POLK: variants seen among roughly 807,000 people sequenced by gnomAD.
POLK encodes polymerase (DNA directed) kappa.
POLK carries 76 observed loss-of-function variants against 94.0 expected under a neutral mutation model. The observed-to-expected ratio is 0.81, with a 90% confidence interval of 0.67 to 0.98. The LOEUF is 0.98. POLK is among the 50% of genes least tolerant of loss of function. The pLI is 0.00. For synonymous variants in POLK, 349 were observed against 325.4 expected (o/e 1.07, Z -0.78); for missense variants, 954 against 1,010.1 (o/e 0.94, Z 0.75).
intron 1 of POLK, among the ~76,000 whole-genome samples, chr5:75,516,143 G>T (rs1768311531): frequency 6.6e-6 from 1 of 152,182 alleles, no homozygotes; most frequent in South Asian, 2.1e-4. Flanking sequence ...CAGATGGATA[G>T]TTTGCAGACA....
chr5:75,581,253 T>C (rs1467974752), exon 7 of POLK: 1 of 1,606,654 alleles, frequency 6.2e-7, no homozygotes, highest in Admixed American at 1.7e-5. Context: ...GCATGAACGA[T>C]CCATCTCTCC....
At chr5:75,568,466 A>G (rs1390392015) in intron 3 of POLK, among the ~76,000 whole-genome samples, 3 of 152,182 alleles carry the variant, frequency 2.0e-5, no homozygotes, top group African/African-American at 7.2e-5. Context: ...AGAAATGAGT[A>G]TGTCTGCTGC....
chr5:75,569,266 A>C (rs866995491), intron 3 of POLK, 74 bp from the exon 4 acceptor site: 1 of 974,768 alleles, frequency 1.0e-6, no homozygotes, highest in South Asian at 1.6e-5. Context: ...TAATAAATTA[A>C]GATTAATGTT....
chr5:75,543,847 T>G (rs1453105706), intron 1 of POLK, among the ~76,000 whole-genome samples: 1 of 152,170 alleles, frequency 6.6e-6, no homozygotes, highest in Non-Finnish European at 1.5e-5. Context: ...TGGTTTGGTT[T>G]TTTTGAGACA....
intron 2 of POLK, among the ~76,000 whole-genome samples, chr5:75,551,838 C>G (rs1770351346): frequency 1.3e-5 from 2 of 152,074 alleles, no homozygotes; most frequent in Admixed American, 1.3e-4. Context: ...ATAGAGGTAC[C>G]ATATGTCAAA....
At chr5:75,580,177 C>A (rs1772124177) in intron 6 of POLK, among the ~76,000 whole-genome samples, 2 of 151,830 alleles carry the variant, frequency 1.3e-5, no homozygotes, top group Non-Finnish European at 2.9e-5. Context: ...ATACATTTTT[C>A]AAGTAATATA....
intron 6 of POLK, among the ~76,000 whole-genome samples, chr5:75,579,216 ACT>A (rs1772071682): frequency 6.6e-6 from 1 of 151,130 alleles, no homozygotes. Context: ...GGCATAAAAA[ACT>A]CTGCAGAACG....
chr5:75,601,470 G>A (rs1773294633), downstream of POLK, among the ~76,000 whole-genome samples: 1 of 152,198 alleles, frequency 6.6e-6, no homozygotes, highest in African/African-American at 2.4e-5. Flanking sequence ...TATTGCCAAA[G>A]AAGATTAACA....
chr5:75,512,519 TTTCTCGTATTAGAA>T (rs1768093537), intron 1 of POLK: 1 of 152,216 alleles, frequency 6.6e-6, no homozygotes, highest in Admixed American at 6.5e-5. Context: ...ATATAGAAAC[TTTCTCGTATTAGAA>T]ATACCGAAGT....
intron 1 of POLK, among the ~76,000 whole-genome samples, chr5:75,516,858 A>C (rs560448588): frequency 1.3e-5 from 2 of 152,330 alleles, no homozygotes; most frequent in African/African-American, 4.8e-5. Context: ...ATTCTTCTGC[A>C]TGTGGTTATC....
At chr5:75,593,958 T>C in exon 12 of POLK, 2 of 1,607,324 alleles carry the variant, frequency 1.2e-6, no homozygotes, top group South Asian at 2.2e-5. Context: ...CTGTTGTTTC[T>C]ACTGCAGAAG....
chr5:75,511,564 C>T (rs182817088), upstream of POLK: 3,182 of 1,456,328 alleles, frequency 2.2e-3, 6 homozygotes, highest in Non-Finnish European at 2.5e-3. Flanking sequence ...GAAAATCCGG[C>T]CGCTGAGTCC....
intron 1 of POLK, among the ~76,000 whole-genome samples, chr5:75,513,170 G>A (rs996370993): frequency 1.3e-5 from 2 of 152,116 alleles, no homozygotes; most frequent in Non-Finnish European, 2.9e-5. Context: ...TATTTAAGTA[G>A]GCATTGCCAA....
At chr5:75,557,024 CTG>C (rs1770659838) in intron 3 of POLK, among the ~76,000 whole-genome samples, 1 of 152,110 alleles carries the variant, frequency 6.6e-6, no homozygotes, top group African/African-American at 2.4e-5. Flanking sequence ...GATTGCACCA[CTG>C]CACTCCAGCC....
intron 1 of POLK, chr5:75,538,714 G>A (rs551045731): frequency 2.5e-4 from 38 of 151,994 alleles, no homozygotes; most frequent in Non-Finnish European, 4.3e-4. Flanking sequence ...CCTAGATGCC[G>A]TTGTTTATTA....
At chr5:75,522,321 T>A (rs1229300317) in intron 1 of POLK, among the ~76,000 whole-genome samples, 3 of 152,192 alleles carry the variant, frequency 2.0e-5, no homozygotes, top group African/African-American at 7.2e-5. Flanking sequence ...CTTGGAGTCT[T>A]TTTCACTTTT....
At chr5:75,592,717 CA>C (rs1772853017) in intron 11 of POLK, among the ~76,000 whole-genome samples, 1 of 149,080 alleles carries the variant, frequency 6.7e-6, no homozygotes, top group African/African-American at 2.5e-5. Flanking sequence ...AAAAAACAAA[CA>C]AAAAAATTCA....
exon 8 of POLK, chr5:75,583,367 C>G: frequency 1.2e-6 from 2 of 1,604,390 alleles, no homozygotes; most frequent in Non-Finnish European, 1.7e-6. Flanking sequence ...CCAAATTCTT[C>G]CCAATAGACA....
At chr5:75,564,198 C>T (rs545437897) in intron 3 of POLK, among the ~76,000 whole-genome samples, 1 of 152,116 alleles carries the variant, frequency 6.6e-6, no homozygotes, top group African/African-American at 2.4e-5. Flanking sequence ...TCTGTTTTAT[C>T]GGAGACTGGG....
Sources: allele counts gnomAD v4.1 joint callset (sites outside exome capture counted in the v4.1 genomes callset), GRCh38; gene constraint gnomAD v4.1.1; transcripts MANE v1.5; gene names NCBI Gene and HGNC (gene_info 2026-07-23, HGNC 2026-07-21).